Variants in ZMYM2 observed in about 807,000 individuals in gnomAD.
ZMYM2 encodes the protein zinc finger MYM-type containing 2, also known as zinc finger MYM-type protein 2.
A neutral mutation model predicts 162.8 loss-of-function variants in ZMYM2; 56 were observed. The ratio of observed to expected loss-of-function variants is 0.34; its 90% CI spans 0.28 to 0.43. ZMYM2 has a LOEUF of 0.43. Among genes scored for constraint, ZMYM2 ranks in the 20% least tolerant of loss-of-function variants. The probability of loss-of-function intolerance (pLI) is 1.00; values close to 1 mark genes in which losing one functional copy is unlikely to be tolerated. For synonymous variants in ZMYM2, 510 were observed against 541.6 expected (o/e 0.94, Z 0.81); for missense variants, 1,275 against 1,621.8 (o/e 0.79, Z 3.67).
chr13:19,883,808 G>C, the ZMYM2 span, among the ~76,000 whole-genome samples: 3 of 152,158 alleles, frequency 2.0e-5, no homozygotes, highest in African/African-American at 7.2e-5. Flanking sequence ...CCAGGCTGGA[G>C]CGCACGGGCA....
chr13:19,941,741 T>TTTG, the ZMYM2 span, among the ~76,000 whole-genome samples: 2 of 147,162 alleles, frequency 1.4e-5, no homozygotes, highest in African/African-American at 5.0e-5. Flanking sequence ...TTTTTTTTTT[T>TTTG]TTGGCAGAGG....
chr13:19,960,853 T>G (rs1207460168), intron 2 of ZMYM2, among the ~76,000 whole-genome samples: 1 of 152,216 alleles, frequency 6.6e-6, no homozygotes, highest in Non-Finnish European at 1.5e-5. Flanking sequence ...ACAGTTGATG[T>G]GGTAACTTGT....
the ZMYM2 span, among the ~76,000 whole-genome samples, chr13:19,893,160 T>C: frequency 3.3e-5 from 5 of 149,408 alleles, no homozygotes; most frequent in Non-Finnish European, 3.0e-5. Context: ...GGGCTGCACA[T>C]GGTGGCTCAC....
the ZMYM2 span, among the ~76,000 whole-genome samples, chr13:19,887,106 TAA>T: frequency 6.6e-6 from 1 of 151,974 alleles, no homozygotes; most frequent in Admixed American, 6.6e-5. Context: ...GAAGACTACT[TAA>T]AGAGTGGTGG....
chr13:20,081,898 T>C, intron 21 of ZMYM2, 118 bp from the exon 22 acceptor site: 1 of 556,136 alleles, frequency 1.8e-6, no homozygotes, highest in Non-Finnish European at 3.0e-6. Flanking sequence ...TGTTTTAGTA[T>C]GCATTTCAAA....
At chr13:20,046,564 A>ATATATATATATATATATAT in intron 12 of ZMYM2, among the ~76,000 whole-genome samples, 1 of 103,868 alleles carries the variant, frequency 9.6e-6, no homozygotes, top group African/African-American at 3.5e-5. Context: ...TAAAAAAAAA[A>ATATATATATATATATATAT]ATATATATAT....
chr13:19,869,211 A>G, the ZMYM2 span, among the ~76,000 whole-genome samples: 1 of 152,242 alleles, frequency 6.6e-6, no homozygotes, highest in African/African-American at 2.4e-5. Context: ...AGTAATTTGA[A>G]GTGTGTAAAG....
intron 7 of ZMYM2, chr13:20,026,309 T>C (rs1952574947): frequency 4.9e-6 from 1 of 202,756 alleles, no homozygotes; most frequent in Admixed American, 5.7e-5. Context: ...AAAAGCACTG[T>C]GCCTTTCCTA....
At chr13:20,073,547 TA>T (rs1286678802) in intron 21 of ZMYM2, among the ~76,000 whole-genome samples, 4 of 152,206 alleles carry the variant, frequency 2.6e-5, no homozygotes, top group Non-Finnish European at 5.9e-5. Flanking sequence ...TCCAGTTTCT[TA>T]AGATGTAAGC....
At chr13:19,881,380 G>C in the ZMYM2 span, among the ~76,000 whole-genome samples, 1 of 151,968 alleles carries the variant, frequency 6.6e-6, no homozygotes, top group Non-Finnish European at 1.5e-5. Context: ...CCAGCACTCT[G>C]GGAGGCTGAG....
chr13:20,046,581 A>ATATG (rs1270115549), intron 12 of ZMYM2, among the ~76,000 whole-genome samples: 63 of 117,506 alleles, frequency 5.4e-4, no homozygotes, highest in African/African-American at 1.7e-3. Flanking sequence ...ATATATATAT[A>ATATG]TGTGTGTGTG....
chr13:19,881,756 G>A, the ZMYM2 span, among the ~76,000 whole-genome samples: 9 of 152,106 alleles, frequency 5.9e-5, no homozygotes, highest in Admixed American at 5.2e-4. Flanking sequence ...GGCCGAGGCA[G>A]GTGGATCACT....
intron 21 of ZMYM2, among the ~76,000 whole-genome samples, chr13:20,074,567 C>G (rs930402921): frequency 1.4e-5 from 2 of 139,484 alleles, no homozygotes; most frequent in African/African-American, 5.4e-5. Context: ...GAGACGGAGT[C>G]TTACTCTGTC....
At chr13:19,882,905 A>G in the ZMYM2 span, among the ~76,000 whole-genome samples, 11 of 152,212 alleles carry the variant, frequency 7.2e-5, no homozygotes, top group African/African-American at 1.9e-4. Flanking sequence ...TCCTGGGTTT[A>G]TGCTCAAAAT....
At chr13:19,954,970 C>G (rs902346520), upstream of ZMYM2, among the ~76,000 whole-genome samples, 2 of 151,894 alleles carry the variant, frequency 1.3e-5, no homozygotes, top group South Asian at 4.2e-4. Flanking sequence ...ACCACGCTGC[C>G]CGGCTAGTTT....
the ZMYM2 span, among the ~76,000 whole-genome samples, chr13:19,952,611 G>A: frequency 6.6e-6 from 1 of 152,138 alleles, no homozygotes; most frequent in African/African-American, 2.4e-5. Flanking sequence ...GGCAATCTTT[G>A]TTAAGACTAT....
At chr13:19,891,195 G>A in the ZMYM2 span, among the ~76,000 whole-genome samples, 2 of 151,882 alleles carry the variant, frequency 1.3e-5, no homozygotes, top group Admixed American at 6.6e-5. Context: ...ACTAGGACTG[G>A]TGTCCTACTA....
At chr13:19,945,951 GAA>G in the ZMYM2 span, among the ~76,000 whole-genome samples, 713 of 89,586 alleles carry the variant, frequency 8.0e-3, 7 homozygotes, top group African/African-American at 0.025. Context: ...CTCCGTCTCA[GAA>G]AAAAAAAAAA....
the ZMYM2 span, among the ~76,000 whole-genome samples, chr13:19,884,884 T>C: frequency 6.6e-5 from 10 of 152,286 alleles, no homozygotes; most frequent in South Asian, 1.2e-3. Flanking sequence ...CCGGCTTTTA[T>C]TCCCTTATTT....
Sources: allele counts gnomAD v4.1 joint callset (sites outside exome capture counted in the v4.1 genomes callset), GRCh38; gene constraint gnomAD v4.1.1; transcripts MANE v1.5; gene names NCBI Gene and HGNC (gene_info 2026-07-23, HGNC 2026-07-21).